HTT: variants seen among roughly 807,000 people sequenced by gnomAD.
The protein encoded by HTT is huntington disease protein.
In HTT, 104 loss-of-function variants were observed where a neutral mutation model predicts 362.3. The ratio of observed to expected loss-of-function variants is 0.29; its 90% CI spans 0.24 to 0.34. HTT has a LOEUF of 0.34. Ranked by LOEUF, HTT falls within the 10% of genes least tolerant of loss-of-function variation. The probability of loss-of-function intolerance (pLI) is 1.00; values close to 1 mark genes in which losing one functional copy is unlikely to be tolerated. For missense variants in HTT, 3,301 were observed against 3,928.6 expected (o/e 0.84, Z 4.27); for synonymous variants, 1,577 against 1,548.7 (o/e 1.02, Z -0.43).
chr4:3,190,850 A>G (rs1403345410), intron 40 of HTT, among the ~76,000 whole-genome samples: 1 of 152,256 alleles, frequency 6.6e-6, no homozygotes, highest in African/African-American at 2.4e-5. Flanking sequence ...ATAAATGACT[A>G]AATAGCTAGA....
chr4:3,160,735 G>A (rs1340682301), intron 29 of HTT, among the ~76,000 whole-genome samples: 1 of 152,076 alleles, frequency 6.6e-6, no homozygotes, highest in African/African-American at 2.4e-5. Context: ...GTAAGGGGGC[G>A]GGGCGGGAGG....
rs935371268 is a variant in HTT, at chr4:3,208,076, G to A, written c.6153-697G>A. 2.6e-5 allele frequency among the ~76,000 whole-genome samples: 4 copies of A among 152,158 alleles called. No homozygotes were observed. The South Asian group carries it at 8.3e-4, about 32-fold the overall frequency. On this transcript the variant is annotated intron_variant, in intron 45 of 66. Coordinates refer to ENST00000355072, the MANE Select transcript of HTT (RefSeq NM_001388492.1). Reference sequence around the variant, plus strand: ...AAATTATTATGCTTTTCAGTCTTTAGAGTACCTTGTCTATTATGCTTTTCA... The same window carrying A: ...AAATTATTATGCTTTTCAGTCTTTAAAGTACCTTGTCTATTATGCTTTTCA...
chr4:3,101,198 A>C (rs149659077), intron 3 of HTT, among the ~76,000 whole-genome samples: 1 of 152,266 alleles, frequency 6.6e-6, no homozygotes, highest in African/African-American at 2.4e-5. Flanking sequence ...GTTCTTTTTT[A>C]AACCTCCTTC....
chr4:3,172,202 TC>T, intron 29 of HTT, 117 bp from the exon 30 acceptor site: 1 of 717,620 alleles, frequency 1.4e-6, no homozygotes, highest in Non-Finnish European at 2.5e-6. Flanking sequence ...CCTCTGATTT[TC>T]CTCTACTATT....
chr4:3,109,065 A>AT (rs1560550824), intron 6 of HTT, among the ~76,000 whole-genome samples: 26 of 126,740 alleles, frequency 2.1e-4, no homozygotes, highest in Admixed American at 9.9e-4. Flanking sequence ...TAAAAAAAAA[A>AT]AATATATATA....
chr4:3,184,451 G>A (rs145152680), intron 37 of HTT, among the ~76,000 whole-genome samples: 27 of 152,098 alleles, frequency 1.8e-4, no homozygotes, highest in African/African-American at 6.5e-4. Context: ...TAGCCTTGAG[G>A]GGGAGGTGAG....
intron 1 of HTT, among the ~76,000 whole-genome samples, chr4:3,076,022 G>A (rs1712530425): frequency 6.6e-6 from 1 of 152,176 alleles, no homozygotes; most frequent in African/African-American, 2.4e-5. Context: ...CATTTTACCA[G>A]TATTCCAGTC....
chr4:3,142,943 A>G (rs1210150217), intron 23 of HTT, 57 bp downstream of exon 23: 3 of 1,438,526 alleles, frequency 2.1e-6, no homozygotes, highest in South Asian at 2.4e-5. Context: ...GGTAGCTTGT[A>G]TGGCCAGTTA....
chr4:3,239,277 T>TCG (rs1329149989), intron 66 of HTT, among the ~76,000 whole-genome samples: 1 of 152,134 alleles, frequency 6.6e-6, no homozygotes, highest in Non-Finnish European at 1.5e-5. Flanking sequence ...TCTGCAGACG[T>TCG]CCCGCCCACT....
chr4:3,111,979 G>T (rs1310856752), intron 6 of HTT, among the ~76,000 whole-genome samples: 1 of 152,200 alleles, frequency 6.6e-6, no homozygotes, highest in African/African-American at 2.4e-5. Flanking sequence ...AGCAAAGCTT[G>T]CATTTGAACT....
intron 49 of HTT, 46 bp downstream of exon 49, chr4:3,212,755 T>C (rs754774363): frequency 9.7e-5 from 156 of 1,605,642 alleles, no homozygotes; most frequent in Non-Finnish European, 1.1e-4. Flanking sequence ...GGAGGGGGCA[T>C]GGGGCTGACA....
rs1263551997 is a variant in HTT at position 3,127,433 on chromosome 4, G to A, written c.1572G>A (p.Gly524=). The change falls in exon 12 of 67, where the codon GGG becomes GGA. Residue 524 remains glycine (G), a synonymous_variant. Coordinates refer to ENST00000355072, the MANE Select transcript of HTT (RefSeq NM_001388492.1). ...ACTTGACAAGCTCTGCCACTGATGG[G>A]GATGAGGAGGATATCTTGAGCCACA... ...SCDLTSSATD[G]DEEDILSHSS... is the part of the protein sequence containing the mutation. 5 of 1,614,140 alleles carry A rather than the reference G, an allele frequency of 3.1e-6. No individual in the cohort carries two copies. Among genetic ancestry groups the A allele is most frequent in the South Asian group, 2.2e-5 (2 of 91,080 alleles).
chr4:3,120,269 A>G (rs890848189), intron 8 of HTT, among the ~76,000 whole-genome samples: 2 of 152,230 alleles, frequency 1.3e-5, no homozygotes, highest in African/African-American at 2.4e-5. Flanking sequence ...TGGTGTAAGT[A>G]TATTCCAAAT....
At chr4:3,191,517 C>T (rs911192035) in intron 40 of HTT, among the ~76,000 whole-genome samples, 5 of 152,098 alleles carry the variant, frequency 3.3e-5, no homozygotes, top group African/African-American at 7.2e-5. Flanking sequence ...ACACTGAAGA[C>T]TTACTGACTT....
At chr4:3,232,972 A>G (rs1467525259) in intron 60 of HTT, among the ~76,000 whole-genome samples, 191 bp from the exon 61 acceptor site, 1 of 152,214 alleles carries the variant, frequency 6.6e-6, no homozygotes, top group Admixed American at 6.5e-5. Context: ...CTCAGTGAGG[A>G]TGGTGGGCAC....
chr4:3,075,909 A>G (rs1323670398), intron 1 of HTT, among the ~76,000 whole-genome samples: 1 of 152,166 alleles, frequency 6.6e-6, no homozygotes, highest in Non-Finnish European at 1.5e-5. Flanking sequence ...ATTATCTTAA[A>G]TATTAGGAAG....
At chr4:3,169,672 C>G (rs534359926) in intron 29 of HTT, among the ~76,000 whole-genome samples, 5 of 152,130 alleles carry the variant, frequency 3.3e-5, no homozygotes, top group Admixed American at 1.3e-4. Context: ...CTCCCAGGCT[C>G]AAGCAATTCT....
rs1653811479 is a variant in HTT at position 3,187,828 on chromosome 4, C to T, written c.5167C>T (p.Leu1723=). The part of the protein sequence containing the change: ...RLRDGDSTST[L]EEHSEGKQIK... Reference sequence around the variant, plus strand: ...AAGAGATGGGGACAGTACTTCAACGCTAGAAGAACACAGTGAAGGGAAACA... The same window carrying T: ...AAGAGATGGGGACAGTACTTCAACGTTAGAAGAACACAGTGAAGGGAAACA... Residue 1723 remains leucine (L), a synonymous_variant, in exon 39 of 67, where the codon CTA becomes TTA. Transcript: ENST00000355072. 6.2e-7 allele frequency: 1 copy of T among 1,613,148 alleles called. No homozygotes were observed. Among genetic ancestry groups the T allele is most frequent in the African/African-American group, 1.3e-5 (1 of 74,842 alleles).
chr4:3,177,652 ATGG>A (rs1394089406), intron 34 of HTT, among the ~76,000 whole-genome samples: 1 of 152,214 alleles, frequency 6.6e-6, no homozygotes, highest in Non-Finnish European at 1.5e-5. Flanking sequence ...GTGTTGACAG[ATGG>A]TGGAATGAAA....
Sources: allele counts gnomAD v4.1 joint callset (sites outside exome capture counted in the v4.1 genomes callset), GRCh38; gene constraint gnomAD v4.1.1; transcripts MANE v1.5; gene names NCBI Gene and HGNC (gene_info 2026-07-23, HGNC 2026-07-21).